The following MALT1 variants were observed in gnomAD, a reference collection of about 807,000 sequenced individuals.
MALT1 encodes MALT1 paracaspase, also known as mucosa-associated lymphoid tissue lymphoma translocation protein 1.
Under a neutral mutation model 85.5 loss-of-function variants are expected in MALT1, and 36 were observed. The ratio of observed to expected loss-of-function variants is 0.42; its 90% CI spans 0.32 to 0.56. MALT1 has a LOEUF of 0.56. MALT1 is among the 20% of genes least tolerant of loss of function. The probability of loss-of-function intolerance (pLI) is 0.10; values close to 1 mark genes in which losing one functional copy is unlikely to be tolerated. For synonymous variants in MALT1, 359 were observed against 361.3 expected, an observed-to-expected ratio of 0.99 and a Z score of 0.07; for missense variants, 716 against 981.6, an observed-to-expected ratio of 0.73 and a Z score of 3.62.
At chr18:58,693,573 CTT>C (rs777182148) in intron 2 of MALT1, among the ~76,000 whole-genome samples, 4 of 152,220 alleles carry the variant, frequency 2.6e-5, no homozygotes, top group African/African-American at 4.8e-5. Flanking sequence ...CTGGCTGACT[CTT>C]GTTAGGGGCC....
chr18:58,746,115 G>A (rs1182292389), intron 16 of MALT1, among the ~76,000 whole-genome samples: 1 of 152,084 alleles, frequency 6.6e-6, no homozygotes, highest in Non-Finnish European at 1.5e-5. Context: ...ACTCCTCAGT[G>A]CATATGATCC....
At chr18:58,713,160 T>G (rs1012220918) in intron 7 of MALT1, among the ~76,000 whole-genome samples, 1 of 152,200 alleles carries the variant, frequency 6.6e-6, no homozygotes, top group African/African-American at 2.4e-5. Flanking sequence ...TGATTTTATG[T>G]AACATATAAG....
rs750882472 is a variant in MALT1, at chr18:58,747,888, T to C, written c.*46T>C. On this transcript the variant is annotated 3_prime_UTR_variant, in exon 17 of 17. Transcript: ENST00000649217. The stretch of plus-strand genomic sequence containing the variant: ...AGCATAATTTTAGATGCCTGTGAAA[T>C]AGTACTGCACTTACATAAAGTGAGA... 4 of 1,475,020 alleles carry C rather than the reference T, an allele frequency of 2.7e-6. No individual in the cohort carries two copies. Among genetic ancestry groups the C allele is most frequent in the Admixed American group, 3.5e-5 (2 of 57,944 alleles). The allele number at this position is 1,475,020 out of a possible 1,614,324, so 91.4% of individuals were successfully genotyped here. A position where few individuals can be genotyped will look rare whatever the true frequency, so the allele number is the denominator to read the frequency against.
intron 2 of MALT1, among the ~76,000 whole-genome samples, chr18:58,683,366 A>G (rs1005740537): frequency 2.6e-5 from 4 of 152,240 alleles, no homozygotes; most frequent in African/African-American, 7.2e-5. Context: ...TGCCAAGTCT[A>G]TAATATGAAC....
intron 2 of MALT1, among the ~76,000 whole-genome samples, chr18:58,693,765 A>C (rs2054547956): frequency 6.6e-6 from 1 of 152,226 alleles, no homozygotes; most frequent in South Asian, 2.1e-4. Context: ...GGACTGGCAG[A>C]GGAGTAGATT....
intron 11 of MALT1, chr18:58,733,794 G>T: frequency 1.2e-6 from 1 of 822,632 alleles, no homozygotes; most frequent in Non-Finnish European, 1.7e-6. Context: ...AGAACTAAAG[G>T]GCATGGGCAT....
At chr18:58,709,232 T>C in intron 4 of MALT1, 146 bp from the exon 5 acceptor site, 1 of 513,580 alleles carries the variant, frequency 1.9e-6, no homozygotes, top group Non-Finnish European at 3.3e-6. Flanking sequence ...AATATTTCTA[T>C]GAGTGCTATA....
chr18:58,683,410 C>G lies in MALT1; in HGVS notation c.376+2074C>G, dbSNP rs566011210. The stretch of plus-strand genomic sequence containing the variant: ...TCTCTACCTCACAGAGTTATAGGAG[C>G]TGCATGAGATAATGTTGTGTTGAAT... On this transcript the variant is annotated intron_variant, in intron 2 of 16. Transcript: ENST00000649217. Among the ~76,000 whole-genome samples, 15 of 152,280 alleles carry G rather than the reference C, an allele frequency of 9.9e-5. No homozygotes were observed. The South Asian group carries it at 3.1e-3, about 32-fold the overall frequency.
intron 9 of MALT1, among the ~76,000 whole-genome samples, chr18:58,722,575 C>T (rs1239555885): frequency 4.4e-5 from 6 of 137,234 alleles, no homozygotes; most frequent in Non-Finnish European, 9.2e-5. Context: ...TATTTCCCCT[C>T]ATTCACTCTG....
rs550807769 is a variant in MALT1 at position 58,701,709 on chromosome 18, C to A, written c.649+1118C>A. ...CACAACTATCAGGAAAGATTATCTG[C>A]TACAACAGAAAGCAGGAAGACTTTC... On this transcript the variant is annotated intron_variant, in intron 4 of 16. Coordinates refer to ENST00000649217, the MANE Select transcript of MALT1 (RefSeq NM_006785.4). Among the ~76,000 whole-genome samples the A allele has an allele frequency of 1.9e-4, 29 of 152,306 alleles. 1 individual carries two copies. The highest frequency in any genetic ancestry group is 5.5e-4 in the African/African-American group (23 of 41,576).
chr18:58,727,618 T>A (rs572387499), intron 10 of MALT1, among the ~76,000 whole-genome samples: 1 of 138,314 alleles, frequency 7.2e-6, no homozygotes, highest in African/African-American at 2.7e-5. Context: ...TTTTTTGTGT[T>A]TTTTTTTTTG....
Position 58,671,636 on chromosome 18 carries a change from C to T in MALT1, c.-8C>T. On this transcript the variant is annotated 5_prime_UTR_variant, in exon 1 of 17. Transcript: ENST00000649217. ...AGCCCCGGCAGTCCGGGGTCGCCGG[C>T]GAGGGCCATGTCGCTGTTGGGGGAC... The T allele has an allele frequency of 2.5e-6, 3 of 1,213,794 alleles. No individual in the cohort carries two copies. Among genetic ancestry groups the T allele is most frequent in the Non-Finnish European group, 2.0e-6 (2 of 976,238 alleles). The allele number at this position is 1,213,794 out of a possible 1,614,324, so 75.2% of individuals were successfully genotyped here.
In MALT1 at chr18:58,741,995, A is replaced by G. The variant is rs749085212; in HGVS notation, c.1734A>G (p.Leu578=). ...CTGCTGAATCTCTTGTGCGGAATCTACAGTGGGCCAAGGCTCATGGTACGG... is the reference window on the plus strand; with the variant it reads ...CTGCTGAATCTCTTGTGCGGAATCTGCAGTGGGCCAAGGCTCATGGTACGG... The part of the protein sequence containing the change: ...EYSAESLVRN[L]QWAKAHELPE... The change falls in exon 14 of 17, where the codon CTA becomes CTG. Residue 578 remains leucine, a synonymous_variant. Transcript: ENST00000649217. 4 of 1,538,730 alleles carry G rather than the reference A, an allele frequency of 2.6e-6. No homozygotes were observed. The highest frequency in any genetic ancestry group is 3.6e-6 in the Non-Finnish European group (4 of 1,125,974).
intron 13 of MALT1, among the ~76,000 whole-genome samples, chr18:58,738,789 C>CTGTGTG (rs35316552): frequency 1.7e-3 from 208 of 125,220 alleles, no homozygotes; most frequent in African/African-American, 5.4e-3. Context: ...GTGCATTCTT[C>CTGTGTG]TGTGTGTGTG....
intron 7 of MALT1, among the ~76,000 whole-genome samples, 178 bp downstream of exon 7, chr18:58,711,131 T>G (rs188446087): frequency 6.6e-5 from 10 of 152,352 alleles, no homozygotes; most frequent in Admixed American, 2.6e-4. Flanking sequence ...ACAGACATGA[T>G]TAAATTGACA....
At chr18:58,674,360 C>G (rs529985301) in intron 1 of MALT1, among the ~76,000 whole-genome samples, 1 of 152,194 alleles carries the variant, frequency 6.6e-6, no homozygotes. Flanking sequence ...AGTTGCCTAA[C>G]AAGAGGTGGC....
Position 58,736,321 on chromosome 18 carries a change from C to G in MALT1, c.1603+992C>G, listed in dbSNP as rs568554332. 2.0e-5 allele frequency among the ~76,000 whole-genome samples: 3 copies of G among 152,152 alleles called. No homozygotes were observed. The East Asian group carries it at 5.8e-4, about 29-fold the overall frequency. On this transcript the variant is annotated intron_variant, in intron 13 of 16. Coordinates refer to ENST00000649217, the MANE Select transcript of MALT1 (RefSeq NM_006785.4). ...TTAGCCACTTTTCCATTTAACATAA[C>G]CAGCCAGGGCTTTGGACTTCCTGCC... is the stretch of plus-strand genomic sequence containing the variant.
At position 58,749,478 on chromosome 18, in the gene MALT1, T is replaced by C. The variant is rs894602065; in HGVS notation, c.*1636T>C. On this transcript the variant is annotated 3_prime_UTR_variant, in exon 17 of 17. Transcript: ENST00000649217. ...CCCTGCCATTTCCACCCTCCAGTCA[T>C]TTCTCTATGAGACTGAAGCAGGAAG... 8 of 215,366 alleles carry C rather than the reference T, an allele frequency of 3.7e-5. 1 individual carries two copies. Among genetic ancestry groups the C allele is most frequent in the South Asian group, 1.9e-4 (1 of 5,384 alleles). The allele number at this position is 215,366 out of a possible 1,614,324, so 13.3% of individuals were successfully genotyped here.
intron 9 of MALT1, among the ~76,000 whole-genome samples, chr18:58,716,314 A>G (rs2054899384): frequency 6.6e-6 from 1 of 152,256 alleles, no homozygotes; most frequent in Non-Finnish European, 1.5e-5. Flanking sequence ...CAAAGGCTGC[A>G]GTAGCTTTAG....
Sources: gnomAD v4.1 joint callset for allele counts (sites outside exome capture counted in the v4.1 genomes callset) on GRCh38, gnomAD v4.1.1 for gene constraint, MANE v1.5 for transcripts, NCBI Gene and HGNC (gene_info 2026-07-23, HGNC 2026-07-21) for gene names.